The following SSH2 variants were observed in gnomAD, a reference collection of about 807,000 sequenced individuals.
SSH2 encodes the protein slingshot protein phosphatase 2, also known as protein phosphatase Slingshot homolog 2.
Under a neutral mutation model 135.2 loss-of-function variants are expected in SSH2, and 37 were observed. The ratio of observed to expected loss-of-function variants is 0.27; its 90% CI spans 0.21 to 0.36. SSH2 has a LOEUF of 0.36. SSH2 is among the 10% of genes least tolerant of loss of function. The pLI, the probability that SSH2 is intolerant of heterozygous loss-of-function variation, is 1.00. For synonymous variants in SSH2, 628 were observed against 646.2 expected (o/e 0.97, Z 0.43); for missense variants, 1,408 against 1,765.3 (o/e 0.80, Z 3.63).
In SSH2 at chr17:29,848,881, A is replaced by T. The variant is rs2065494698; in HGVS notation, c.112T>A (p.Cys38Ser). Residue 38 changes from cysteine to serine, a missense_variant, in exon 2 of 16, where the codon TGT becomes AGT. Physicochemically the swap from Cys to Ser is moderately radical, Grantham distance 112. Coordinates refer to ENST00000540801, the MANE Select transcript of SSH2 (RefSeq NM_001282129.2). ...SESAALLCCECEESEIFTDSN... is the reference protein window; with the variant it reads ...SESAALLCCESEESEIFTDSN... ...TCAGTAAAGATTTCTGATTCTTCAC[A>T]TTCACAGCAAAGTAATGCTGCTGAT... The T allele has an allele frequency of 2.0e-6, 3 of 1,534,534 alleles. No homozygotes were observed. In the East Asian group the frequency reaches 7.3e-5, roughly 38 times the overall value.
intron 3 of SSH2, chr17:29,776,518 T>C (rs1206871854): frequency 6.6e-6 from 1 of 152,182 alleles, no homozygotes; most frequent in East Asian, 1.9e-4. Context: ...TTGTTCTTGT[T>C]TGGTTTATTT....
chr17:29,920,704 T>C (rs1043291430), intron 1 of SSH2, among the ~76,000 whole-genome samples: 2 of 152,152 alleles, frequency 1.3e-5, no homozygotes, highest in Admixed American at 1.3e-4. Context: ...AATAATACTA[T>C]AAATAGCTTT....
chr17:29,849,218 G>A (rs1158914217), intron 1 of SSH2, among the ~76,000 whole-genome samples: 13 of 151,994 alleles, frequency 8.6e-5, no homozygotes, highest in African/African-American at 2.4e-4. Flanking sequence ...AGTGGCTCAC[G>A]CCTGTAATCC....
At chr17:29,848,183 GA>G (rs2065480954) in intron 2 of SSH2, among the ~76,000 whole-genome samples, 1 of 152,094 alleles carries the variant, frequency 6.6e-6, no homozygotes, top group South Asian at 2.1e-4. Flanking sequence ...TATATCTCAG[GA>G]TATACTGAGA....
chr17:29,894,852 C>T (rs1215964601), intron 1 of SSH2, among the ~76,000 whole-genome samples: 2 of 151,810 alleles, frequency 1.3e-5, no homozygotes, highest in Non-Finnish European at 2.9e-5. Flanking sequence ...AATTAAGTAA[C>T]TAAGTACATC....
chr17:29,925,693 T>C (rs1385077346), intron 1 of SSH2: 1 of 390,156 alleles, frequency 2.6e-6, no homozygotes, highest in African/African-American at 2.1e-5. Flanking sequence ...TGTGCTACAG[T>C]GAGACCCCAT....
intron 2 of SSH2, among the ~76,000 whole-genome samples, chr17:29,805,696 TA>T (rs1187581852): frequency 6.6e-6 from 1 of 151,992 alleles, no homozygotes; most frequent in Non-Finnish European, 1.5e-5. Context: ...ATCAGTACAT[TA>T]AAAAAGCTCT....
At chr17:29,693,956 G>A (rs1466347903) in intron 5 of SSH2, among the ~76,000 whole-genome samples, 1 of 152,182 alleles carries the variant, frequency 6.6e-6, no homozygotes, top group Admixed American at 6.6e-5. Context: ...AGTGCTTATT[G>A]AAAAGGGAGA....
chr17:29,678,750 TGTTG>T (rs1314218562), intron 6 of SSH2, among the ~76,000 whole-genome samples: 3 of 128,860 alleles, frequency 2.3e-5, no homozygotes, highest in African/African-American at 6.0e-5. Flanking sequence ...AGTCTCCCTC[TGTTG>T]CCCAGGCTGG....
At chr17:29,836,122 C>T (rs996414156) in intron 2 of SSH2, among the ~76,000 whole-genome samples, 11 of 151,850 alleles carry the variant, frequency 7.2e-5, no homozygotes, top group Non-Finnish European at 1.5e-4. Flanking sequence ...GAGTCACAAC[C>T]CTGGGGTGGA....
At chr17:29,705,331 A>G (rs143410230) in intron 3 of SSH2, among the ~76,000 whole-genome samples, 1 of 152,336 alleles carries the variant, frequency 6.6e-6, no homozygotes, top group East Asian at 1.9e-4. Context: ...AGTAGAGGGA[A>G]TAACTATGAT....
At chr17:29,913,317 CAAAAAAAAA>C (rs1207663146) in intron 1 of SSH2, among the ~76,000 whole-genome samples, 1 of 3,428 alleles carries the variant, frequency 2.9e-4, no homozygotes, top group Non-Finnish European at 5.6e-4. Context: ...GACGCCATCT[CAAAAAAAAA>C]AAAAAAAAAA....
intron 3 of SSH2, among the ~76,000 whole-genome samples, chr17:29,711,777 C>T (rs1025653115): frequency 5.3e-5 from 8 of 152,156 alleles, no homozygotes; most frequent in African/African-American, 1.9e-4. Flanking sequence ...TCCCCTGGGA[C>T]CATACCCCAT....
At chr17:29,852,678 A>G (rs1468202907) in intron 1 of SSH2, among the ~76,000 whole-genome samples, 1 of 151,622 alleles carries the variant, frequency 6.6e-6, no homozygotes, top group Non-Finnish European at 1.5e-5. Context: ...CAGCCTCCCG[A>G]GTAGCTGGGA....
chr17:29,761,882 TATA>T (rs1281439341), intron 3 of SSH2, among the ~76,000 whole-genome samples: 1,741 of 136,582 alleles, frequency 0.013, 24 homozygotes, highest in Non-Finnish European at 0.019. Flanking sequence ...TATATATATA[TATA>T]TATTTTTTTT....
intron 1 of SSH2, among the ~76,000 whole-genome samples, chr17:29,888,476 G>A (rs1276193820): frequency 6.6e-6 from 1 of 152,140 alleles, no homozygotes; most frequent in African/African-American, 2.4e-5. Flanking sequence ...GAGACTTAGT[G>A]CCATAGCATG....
intron 2 of SSH2, among the ~76,000 whole-genome samples, chr17:29,803,365 C>T (rs2042284862): frequency 6.6e-6 from 1 of 152,104 alleles, no homozygotes; most frequent in Non-Finnish European, 1.5e-5. Flanking sequence ...ATGTCATAGC[C>T]TAGATGGGTG....
chr17:29,739,691 C>T (rs115486361), intron 3 of SSH2, among the ~76,000 whole-genome samples: 6 of 152,208 alleles, frequency 3.9e-5, no homozygotes, highest in Non-Finnish European at 2.9e-5. Flanking sequence ...CCTAATAGGG[C>T]AAAAGGTGAT....
chr17:29,637,302 T>C (rs1179409013), intron 14 of SSH2, among the ~76,000 whole-genome samples: 2 of 152,158 alleles, frequency 1.3e-5, no homozygotes, highest in African/African-American at 4.8e-5. Context: ...TTTCGCCATG[T>C]TGACCAGGCT....
Sources: gnomAD v4.1 joint callset for allele counts (sites outside exome capture counted in the v4.1 genomes callset) on GRCh38, gnomAD v4.1.1 for gene constraint, MANE v1.5 for transcripts, NCBI Gene and HGNC (gene_info 2026-07-23, HGNC 2026-07-21) for gene names.